TXNRD1: variants seen among roughly 807,000 people sequenced by gnomAD.
TXNRD1 encodes thioredoxin reductase 1, cytoplasmic.
TXNRD1 carries 57 observed loss-of-function variants against 80.3 expected under a neutral mutation model. That is an observed-to-expected ratio of 0.71 (90% CI 0.57 to 0.89). The LOEUF is 0.89. Ranked by LOEUF, TXNRD1 falls within the 40% of genes least tolerant of loss-of-function variation. The probability of loss-of-function intolerance (pLI) is 0.00; values close to 1 mark genes in which losing one functional copy is unlikely to be tolerated. For synonymous variants in TXNRD1, 291 were observed against 285.2 expected (o/e 1.02, Z -0.20); for missense variants, 730 against 803.0 (o/e 0.91, Z 1.10).
chr12:104,347,401 G>C (rs143553861), intron 16 of TXNRD1, among the ~76,000 whole-genome samples: 37 of 152,236 alleles, frequency 2.4e-4, no homozygotes, highest in East Asian at 2.3e-3. Context: ...TTTACGTACA[G>C]GCAATCTTGA....
chr12:104,264,853 G>C (rs2033440678), intron 3 of TXNRD1, among the ~76,000 whole-genome samples: 2 of 152,178 alleles, frequency 1.3e-5, no homozygotes, highest in East Asian at 1.9e-4. Flanking sequence ...TGGATTTATG[G>C]GTCAGAGTAT....
In TXNRD1 at chr12:104,327,680, T is replaced by G; in HGVS notation, c.1542+9T>G. 6.2e-7 allele frequency: 1 copy of G among 1,613,038 alleles called. No individual in the cohort carries two copies. Among genetic ancestry groups the G allele is most frequent in the Non-Finnish European group, 8.5e-7 (1 of 1,179,562 alleles). On this transcript the variant is annotated intron_variant, in intron 13 of 16. Transcript: ENST00000525566. ...CAGGTTCCACTGTCAAGGTGAGTGT[T>G]GTGCTTGTTGCCCATTAGATACTGT...
intron 3 of TXNRD1, among the ~76,000 whole-genome samples, chr12:104,263,988 G>A (rs2033422352): frequency 6.6e-6 from 1 of 152,128 alleles, no homozygotes; most frequent in South Asian, 2.1e-4. Flanking sequence ...TCAAGCCCAG[G>A]CCTGTCTGCT....
chr12:104,237,159 A>G (rs989275550), intron 1 of TXNRD1, among the ~76,000 whole-genome samples: 8 of 152,216 alleles, frequency 5.3e-5, no homozygotes, highest in Admixed American at 4.6e-4. Flanking sequence ...GTATTGTGTT[A>G]TCTACCGCTT....
At chr12:104,247,141 C>T (rs545299592) in intron 1 of TXNRD1, among the ~76,000 whole-genome samples, 186 of 152,204 alleles carry the variant, frequency 1.2e-3, no homozygotes, top group African/African-American at 3.5e-3. Context: ...AACCTCAGCT[C>T]ACTGCAAACT....
chr12:104,225,043 A>G (rs945030524), intron 1 of TXNRD1: 2 of 360,652 alleles, frequency 5.5e-6, no homozygotes, highest in Non-Finnish European at 1.1e-5. Flanking sequence ...TGTTAATTAG[A>G]TAATATTTAT....
At chr12:104,240,491 C>T (rs898835460) in intron 1 of TXNRD1, among the ~76,000 whole-genome samples, 2 of 152,018 alleles carry the variant, frequency 1.3e-5, no homozygotes, top group Admixed American at 6.5e-5. Flanking sequence ...GAAAAAAGAA[C>T]ATATTTTCTG....
intron 3 of TXNRD1, chr12:104,286,296 A>C (rs2033969824): frequency 6.6e-6 from 1 of 152,222 alleles, no homozygotes; most frequent in Non-Finnish European, 1.5e-5. Context: ...AGCATGGCTC[A>C]CCTTAGTAGC....
chr12:104,301,495 G>A (rs903743711), intron 4 of TXNRD1, among the ~76,000 whole-genome samples: 6 of 152,088 alleles, frequency 3.9e-5, no homozygotes, highest in Non-Finnish European at 5.9e-5. Flanking sequence ...CTGCAACCAC[G>A]CCCGGCTAAT....
intron 3 of TXNRD1, chr12:104,286,702 C>T (rs1392066766): frequency 9.0e-6 from 9 of 995,018 alleles, no homozygotes; most frequent in African/African-American, 1.7e-5. Context: ...GTGATGACAA[C>T]AGCTAGCAAA....
intron 16 of TXNRD1, chr12:104,346,176 C>G (rs2036484816): frequency 2.8e-6 from 1 of 359,350 alleles, no homozygotes; most frequent in Non-Finnish European, 5.4e-6. Context: ...CTGTTTCCAG[C>G]TAATATATAT....
intron 16 of TXNRD1, among the ~76,000 whole-genome samples, chr12:104,340,546 CTCT>C (rs1237940634): frequency 1.3e-5 from 2 of 152,160 alleles, no homozygotes; most frequent in African/African-American, 2.4e-5. Flanking sequence ...CCTCCCTTGC[CTCT>C]TCTTCTGTCT....
intron 13 of TXNRD1, among the ~76,000 whole-genome samples, chr12:104,331,254 CATT>C: frequency 6.6e-6 from 1 of 152,214 alleles, no homozygotes; most frequent in South Asian, 2.1e-4. Flanking sequence ...AAAAGTGTGT[CATT>C]GTTGATAACA....
chr12:104,273,541 C>T (rs1418503605), intron 3 of TXNRD1, among the ~76,000 whole-genome samples: 1 of 151,970 alleles, frequency 6.6e-6, no homozygotes, highest in Non-Finnish European at 1.5e-5. Flanking sequence ...TGTGGTGAGC[C>T]GAGATTGCGT....
intron 4 of TXNRD1, chr12:104,310,113 C>T: frequency 6.7e-7 from 1 of 1,484,988 alleles, no homozygotes; most frequent in South Asian, 1.3e-5. Flanking sequence ...AGTTTGGGGG[C>T]TTTTTTTTGT....
intron 3 of TXNRD1, chr12:104,276,578 T>C (rs2033762627): frequency 6.6e-6 from 1 of 152,242 alleles, no homozygotes; most frequent in African/African-American, 2.4e-5. Context: ...TACACTCCCT[T>C]TCTTCTCTTT....
At chr12:104,320,948 T>G in intron 9 of TXNRD1, 143 bp from the exon 10 acceptor site, 1 of 652,344 alleles carries the variant, frequency 1.5e-6, no homozygotes, top group Non-Finnish European at 2.6e-6. Context: ...AAACTTCTCA[T>G]GTATTATGTG....
In TXNRD1 at chr12:104,329,105, G is replaced by C. The variant is rs1036750157; in HGVS notation, c.1542+1434G>C. 2.0e-5 allele frequency among the ~76,000 whole-genome samples: 3 copies of C among 152,044 alleles called. No individual in the cohort carries two copies. The East Asian group carries it at 5.8e-4, about 29-fold the overall frequency. On this transcript the variant is annotated intron_variant, in intron 13 of 16. Coordinates refer to ENST00000525566, the MANE Select transcript of TXNRD1 (RefSeq NM_001093771.3). Reference sequence around the variant, plus strand: ...CTCATATTTTGAATTAATGGATTGAGGGTTAAAAAAGATTTTGAATGCCAG... The same window carrying C: ...CTCATATTTTGAATTAATGGATTGACGGTTAAAAAAGATTTTGAATGCCAG...
chr12:104,220,161 G>C (rs1412239059), intron 1 of TXNRD1, among the ~76,000 whole-genome samples: 1 of 152,174 alleles, frequency 6.6e-6, no homozygotes, highest in African/African-American at 2.4e-5. Flanking sequence ...GATCACTGAG[G>C]CTGATAAGGG....
Sources: gnomAD v4.1 joint callset for allele counts (sites outside exome capture counted in the v4.1 genomes callset) on GRCh38, gnomAD v4.1.1 for gene constraint, MANE v1.5 for transcripts, NCBI Gene and HGNC (gene_info 2026-07-23, HGNC 2026-07-21) for gene names.